PTPRZ1: variants seen among roughly 807,000 people sequenced by gnomAD.
PTPRZ1 encodes the protein protein tyrosine phosphatase receptor type Z1, also known as receptor-type tyrosine-protein phosphatase zeta.
Under a neutral mutation model 214.1 loss-of-function variants are expected in PTPRZ1, and 82 were observed. That is an observed-to-expected ratio of 0.38 (90% CI 0.32 to 0.46). PTPRZ1 has a LOEUF of 0.46. Ranked by LOEUF, PTPRZ1 falls within the 20% of genes least tolerant of loss-of-function variation. The probability of loss-of-function intolerance (pLI) is 1.00; values close to 1 mark genes in which losing one functional copy is unlikely to be tolerated. For missense variants in PTPRZ1, 2,603 were observed against 2,748.7 expected, an observed-to-expected ratio of 0.95 and a Z score of 1.19; for synonymous variants, 945 against 987.9, an observed-to-expected ratio of 0.96 and a Z score of 0.81.
chr7:122,036,719 T>C (rs760707225), intron 18 of PTPRZ1, 37 bp downstream of exon 18: 12 of 1,394,598 alleles, frequency 8.6e-6, no homozygotes, highest in Middle Eastern at 2.0e-4. Flanking sequence ...ATAGAAATCA[T>C]ATTAGACTGA....
At chr7:121,890,174 A>G (rs775036585) in intron 1 of PTPRZ1, among the ~76,000 whole-genome samples, 8 of 152,132 alleles carry the variant, frequency 5.3e-5, no homozygotes, top group Non-Finnish European at 8.8e-5. Flanking sequence ...CATATATTCA[A>G]CTATCCATTT....
At chr7:121,949,348 T>C (rs1264666119) in intron 2 of PTPRZ1, among the ~76,000 whole-genome samples, 1 of 152,212 alleles carries the variant, frequency 6.6e-6, no homozygotes. Flanking sequence ...GTTTAGTGAT[T>C]TGGGGGCCCC....
intron 10 of PTPRZ1, among the ~76,000 whole-genome samples, chr7:121,998,482 A>G (rs1253407845): frequency 6.6e-6 from 1 of 152,122 alleles, no homozygotes; most frequent in Non-Finnish European, 1.5e-5. Context: ...TCTACTTTTT[A>G]TAATTTGGTT....
intron 21 of PTPRZ1, 62 bp from the exon 22 acceptor site, chr7:122,042,546 C>T: frequency 6.8e-7 from 1 of 1,478,406 alleles, no homozygotes; most frequent in Non-Finnish European, 9.1e-7. Context: ...CAGTAGTGAT[C>T]TATTTTTCAA....
chr7:121,965,522 T>G (rs1797023642), intron 2 of PTPRZ1, among the ~76,000 whole-genome samples: 2 of 152,140 alleles, frequency 1.3e-5, no homozygotes, highest in Non-Finnish European at 2.9e-5. Context: ...AGCAAGGAAA[T>G]CTCCTACATT....
intron 14 of PTPRZ1, 69 bp downstream of exon 14, chr7:122,028,712 T>A: frequency 7.9e-7 from 1 of 1,263,810 alleles, no homozygotes; most frequent in Admixed American, 1.8e-5. Flanking sequence ...TTGAAAGGTT[T>A]GTTTTTATCG....
At chr7:121,954,535 A>G (rs1796650083) in intron 2 of PTPRZ1, among the ~76,000 whole-genome samples, 1 of 152,136 alleles carries the variant, frequency 6.6e-6, no homozygotes, top group Non-Finnish European at 1.5e-5. Context: ...CTCATATCCC[A>G]TCTGGGTTAG....
At position 122,044,659 on chromosome 7, in the gene PTPRZ1, G is replaced by A. The variant is rs143212606; in HGVS notation, c.6084+91G>A. 721 of 1,339,958 alleles carry A rather than the reference G, an allele frequency of 5.4e-4. 5 individuals carry two copies. The East Asian group carries it at 5.9e-3, about 11-fold the overall frequency. 83.0% of individuals were successfully genotyped at this position (1,339,958 alleles called of 1,614,324 possible). On this transcript the variant is annotated intron_variant, in intron 23 of 29. Transcript: ENST00000393386. Reference sequence around the variant, plus strand: ...GAGTTGACAGGGTCACGTTGAGTGGGCAGTATGGGTACAATGACTTTGTAT... The same window carrying A: ...GAGTTGACAGGGTCACGTTGAGTGGACAGTATGGGTACAATGACTTTGTAT...
At chr7:121,971,132 T>C (rs1005164451) in intron 3 of PTPRZ1, among the ~76,000 whole-genome samples, 1 of 152,216 alleles carries the variant, frequency 6.6e-6, no homozygotes, top group East Asian at 1.9e-4. Flanking sequence ...GTATTATTTC[T>C]GAGGGCTCTG....
intron 1 of PTPRZ1, among the ~76,000 whole-genome samples, chr7:121,889,552 G>A (rs1794517568): frequency 6.6e-6 from 1 of 152,006 alleles, no homozygotes; most frequent in Non-Finnish European, 1.5e-5. Flanking sequence ...TAAAATAATA[G>A]GTGTTTCTTA....
intron 1 of PTPRZ1, among the ~76,000 whole-genome samples, chr7:121,903,260 T>TA (rs1236898948): frequency 6.6e-6 from 1 of 152,218 alleles, no homozygotes; most frequent in Non-Finnish European, 1.5e-5. Flanking sequence ...TCTCATTTGA[T>TA]AAAAATGCAT....
intron 1 of PTPRZ1, among the ~76,000 whole-genome samples, chr7:121,885,517 C>T (rs544294533): frequency 3.9e-5 from 6 of 152,270 alleles, no homozygotes; most frequent in Admixed American, 3.3e-4. Flanking sequence ...CACCGTCCAT[C>T]CCACAAGAAT....
At chr7:122,038,685 T>G (rs1799623937) in intron 18 of PTPRZ1, 70 bp from the exon 19 acceptor site, 15 of 1,423,840 alleles carry the variant, frequency 1.1e-5, no homozygotes, top group African/African-American at 1.4e-5. Context: ...CCTTAAAAAC[T>G]TAGGCATTGT....
At chr7:122,025,675 G>A (rs892523270) in intron 13 of PTPRZ1, among the ~76,000 whole-genome samples, 1 of 152,106 alleles carries the variant, frequency 6.6e-6, no homozygotes, top group African/African-American at 2.4e-5. Context: ...ATTTGGGTTA[G>A]GTGCAGTGGA....
intron 3 of PTPRZ1, 90 bp downstream of exon 3, chr7:121,968,220 T>C (rs1797102703): frequency 5.1e-6 from 6 of 1,183,640 alleles, no homozygotes; most frequent in Non-Finnish European, 3.5e-6. Context: ...CTTTGAATAG[T>C]GTACTATGAA....
chr7:121,940,412 A>G (rs1465798597), intron 2 of PTPRZ1, among the ~76,000 whole-genome samples: 6 of 152,268 alleles, frequency 3.9e-5, no homozygotes, highest in Admixed American at 6.5e-5. Flanking sequence ...GATAAAGACT[A>G]TGGACTTGGA....
chr7:121,982,859 C>A (rs910099509), intron 6 of PTPRZ1, among the ~76,000 whole-genome samples: 45 of 152,092 alleles, frequency 3.0e-4, no homozygotes, highest in African/African-American at 1.1e-3. Context: ...CTGCAACCTC[C>A]GCCTCCCAGG....
intron 2 of PTPRZ1, among the ~76,000 whole-genome samples, chr7:121,942,337 T>C (rs183820548): frequency 1.1e-4 from 16 of 152,350 alleles, no homozygotes; most frequent in Admixed American, 5.9e-4. Flanking sequence ...TCATTCTCTT[T>C]TGAAAGAAAA....
At chr7:121,981,786 G>A (rs954766891) in intron 6 of PTPRZ1, among the ~76,000 whole-genome samples, 3 of 151,680 alleles carry the variant, frequency 2.0e-5, no homozygotes, top group Non-Finnish European at 2.9e-5. Context: ...GTGTGTGTGT[G>A]TGTGTGTGTA....
Sources: gnomAD v4.1 joint callset for allele counts (sites outside exome capture counted in the v4.1 genomes callset) on GRCh38, gnomAD v4.1.1 for gene constraint, MANE v1.5 for transcripts, NCBI Gene and HGNC (gene_info 2026-07-23, HGNC 2026-07-21) for gene names.